CDKL5: variants seen among roughly 807,000 people sequenced by gnomAD.
CDKL5 encodes the protein cyclin-dependent kinase-like 5.
Under a neutral mutation model 61.7 loss-of-function variants are expected in CDKL5, and 8 were observed. The observed-to-expected ratio is 0.13, with a 90% CI of 0.08 to 0.23. The LOEUF (loss-of-function observed/expected upper bound fraction) is 0.23, where lower values mean the gene tolerates loss of function less well. CDKL5 is among the 10% of genes least tolerant of loss of function. The pLI is 1.00. For missense variants in CDKL5, 440 were observed against 734.5 expected, an observed-to-expected ratio of 0.60 and a Z score of 4.63; for synonymous variants, 275 against 272.3, an observed-to-expected ratio of 1.01 and a Z score of -0.10.
chrX:18,635,286 C>T lies in CDKL5; in HGVS notation c.*6529C>T, dbSNP rs192605215. The T allele has an allele frequency of 4.2e-5, 31 of 743,608 alleles. No individual in the cohort carries two copies. In the East Asian group the frequency reaches 4.1e-3, roughly 99 times the overall value. 61.3% of individuals were successfully genotyped at this position (743,608 alleles called of 1,213,427 possible). ...GTAAATATTACACAAATATCTATTC[C>T]GTGATAACCTTCATTATCAGCATGA... On this transcript the variant is annotated 3_prime_UTR_variant, in exon 18 of 18. Coordinates refer to ENST00000623535, the MANE Select transcript of CDKL5 (RefSeq NM_001323289.2).
intron 3 of CDKL5, among the ~76,000 whole-genome samples, chrX:18,518,388 A>ATTTTTTTTTTTTTTGTTTTTTT (rs1923112770): frequency 4.7e-5 from 1 of 21,162 alleles, no homozygotes; most frequent in Non-Finnish European, 8.6e-5. Context: ...TTCTTTTCTT[A>ATTTTTTTTTTTTTTGTTTTTTT]TTTTTTTTTT....
Position 18,543,458 on chromosome X carries a change from C to T in CDKL5, c.100-21019C>T, listed in dbSNP as rs1924093067. Among the ~76,000 whole-genome samples, 3 of 110,090 alleles carry T rather than the reference C, an allele frequency of 2.7e-5. No homozygotes were observed. The South Asian group carries it at 1.2e-3, about 43-fold the overall frequency. Reference sequence around the variant, plus strand: ...TCTTTCCATCTTGGCTTCCTATGTACGTTTTTGTGTCACGGTCAAGGATTT... The same window carrying T: ...TCTTTCCATCTTGGCTTCCTATGTATGTTTTTGTGTCACGGTCAAGGATTT... On this transcript the variant is annotated intron_variant, in intron 3 of 17. Transcript: ENST00000623535.
chrX:18,435,469 C>G (rs1371106086), intron 1 of CDKL5, among the ~76,000 whole-genome samples: 1 of 111,859 alleles, frequency 8.9e-6, no homozygotes, highest in African/African-American at 3.2e-5. Flanking sequence ...GTCCTTCATT[C>G]ATTTAACAAA....
intron 3 of CDKL5, among the ~76,000 whole-genome samples, chrX:18,555,696 T>G (rs774302705): frequency 2.7e-4 from 30 of 112,512 alleles, no homozygotes; most frequent in Non-Finnish European, 5.3e-4. Flanking sequence ...TCATGCATTT[T>G]TAACTTACTG....
chrX:18,443,339 A>AAGAG (rs1931797085), intron 1 of CDKL5, among the ~76,000 whole-genome samples: 1 of 111,781 alleles, frequency 8.9e-6, no homozygotes, highest in Admixed American at 9.6e-5. Flanking sequence ...GTGTTTTGAC[A>AAGAG]AATTTGTAAA....
chrX:18,426,383 C>T (rs1160970291), intron 1 of CDKL5: 1 of 112,823 alleles, frequency 8.9e-6, no homozygotes, highest in Admixed American at 9.3e-5. Context: ...GATTTGGAAC[C>T]GTCTCCCAGA....
chrX:18,460,591 C>T (rs1306224717), intron 1 of CDKL5, among the ~76,000 whole-genome samples: 2 of 111,184 alleles, frequency 1.8e-5, no homozygotes, highest in African/African-American at 6.5e-5. Context: ...CTCTATCTAT[C>T]CAGGTTCAGG....
At chrX:18,484,331 G>T (rs751447117) in intron 1 of CDKL5, among the ~76,000 whole-genome samples, 28 of 109,352 alleles carry the variant, frequency 2.6e-4, no homozygotes, top group Non-Finnish European at 3.4e-4. Context: ...TTTTTTTTGG[G>T]GGGGGGACAG....
chrX:18,619,817 G>T, intron 15 of CDKL5, 50 bp from the exon 16 acceptor site: 1 of 839,200 alleles, frequency 1.2e-6, no homozygotes, highest in Non-Finnish European at 1.8e-6. Context: ...TCACACAATG[G>T]CAAGAAAATG....
chrX:18,509,226 CA>C (rs1334649493), intron 2 of CDKL5, among the ~76,000 whole-genome samples: 1 of 107,348 alleles, frequency 9.3e-6, no homozygotes, highest in Admixed American at 1.1e-4. Flanking sequence ...CACACACACA[CA>C]CACACACACA....
Position 18,631,625 on chromosome X carries a change from T to A in CDKL5, c.*2868T>A. ...TCCATGTCCTATTATCGGCCGTAAC[T>A]TCCTAAAGAAGAAAAAGGGTGAATG... On this transcript the variant is annotated 3_prime_UTR_variant, in exon 18 of 18. Coordinates refer to ENST00000623535, the MANE Select transcript of CDKL5 (RefSeq NM_001323289.2). 1 of 754,714 alleles carries A rather than the reference T, an allele frequency of 1.3e-6. No homozygotes were observed. The highest frequency in any genetic ancestry group is 1.6e-6 in the Non-Finnish European group (1 of 639,440). The allele number at this position is 754,714 out of a possible 1,213,427, so 62.2% of individuals were successfully genotyped here.
chrX:18,513,938 T>C (rs912020323), intron 3 of CDKL5, among the ~76,000 whole-genome samples: 2 of 112,050 alleles, frequency 1.8e-5, no homozygotes, highest in Non-Finnish European at 3.8e-5. Context: ...TTGCATACCT[T>C]TAAAAATTTA....
At chrX:18,550,791 TA>T (rs1297379535) in intron 3 of CDKL5, among the ~76,000 whole-genome samples, 4 of 112,590 alleles carry the variant, frequency 3.6e-5, no homozygotes, top group Non-Finnish European at 7.5e-5. Context: ...AATGAAATAG[TA>T]ACACAATTGC....
intron 15 of CDKL5, among the ~76,000 whole-genome samples, chrX:18,616,688 C>T (rs1186628368): frequency 2.7e-5 from 3 of 111,099 alleles, no homozygotes; most frequent in Non-Finnish European, 5.7e-5. Context: ...TTGCACAATT[C>T]CAGCCTTCTT....
intron 14 of CDKL5, among the ~76,000 whole-genome samples, chrX:18,610,683 A>C (rs1049086882): frequency 8.0e-5 from 9 of 113,107 alleles, no homozygotes; most frequent in African/African-American, 2.6e-4. Context: ...GTACAAACTT[A>C]GGAGACATTG....
rs764540699 is a variant in CDKL5, at chrX:18,653,483, C to T, written c.3032C>T (p.Ala1011Val). The T allele has an allele frequency of 4.1e-6, 5 of 1,211,573 alleles. No homozygotes were observed. Among genetic ancestry groups the T allele is most frequent in the South Asian group, 1.8e-5 (1 of 56,976 alleles). ...ATGAGGGAAGCCCTGATTCACAGGG[C>T]CCAGGTAAACCAAGCTGCGCTCCTG... The change falls in exon 22 of 22, where the codon GCC becomes GTC. Residue 1011 changes from alanine to valine, a missense_variant. By Grantham distance (64) the Ala-to-Val change is moderately conservative. Coordinates refer to the CDKL5 transcript ENST00000379989.
chrX:18,583,352 C>T (rs1344799540), intron 7 of CDKL5, among the ~76,000 whole-genome samples: 1 of 111,290 alleles, frequency 9.0e-6, no homozygotes, highest in Non-Finnish European at 1.9e-5. Context: ...AGAGTACGCA[C>T]TCCTTGGTCT....
chrX:18,467,922 C>A (rs1569189137), intron 1 of CDKL5, among the ~76,000 whole-genome samples: 1 of 111,016 alleles, frequency 9.0e-6, no homozygotes, highest in African/African-American at 3.3e-5. Flanking sequence ...TGATTAATGT[C>A]AGTTGTATAT....
At chrX:18,539,930 C>T (rs1246550587) in intron 3 of CDKL5, among the ~76,000 whole-genome samples, 4 of 111,347 alleles carry the variant, frequency 3.6e-5, no homozygotes, top group Non-Finnish European at 7.5e-5. Flanking sequence ...GACCCTTTTG[C>T]CCTCCCCACT....
Sources: gnomAD v4.1 joint callset for allele counts (sites outside exome capture counted in the v4.1 genomes callset) on GRCh38, gnomAD v4.1.1 for gene constraint, MANE v1.5 for transcripts, NCBI Gene and HGNC (gene_info 2026-07-23, HGNC 2026-07-21) for gene names.